LRMDA: variants seen among roughly 807,000 people sequenced by gnomAD.
LRMDA encodes the protein leucine rich melanocyte differentiation associated.
LRMDA carries 18 observed loss-of-function variants against 29.8 expected under a neutral mutation model. That is an observed-to-expected ratio of 0.60 (90% confidence interval 0.42 to 0.90). The LOEUF (loss-of-function observed/expected upper bound fraction) is 0.90, where lower values mean the gene tolerates loss of function less well. Among genes scored for constraint, LRMDA ranks in the 40% least tolerant of loss-of-function variants. LRMDA has a pLI of 0.00. For synonymous variants in LRMDA, 125 were observed against 109.4 expected (o/e 1.14, Z -0.89); for missense variants, 273 against 273.9 (o/e 1.00, Z 0.02).
At chr10:76,535,506 A>G (rs1843281121) in intron 6 of LRMDA, among the ~76,000 whole-genome samples, 2 of 152,210 alleles carry the variant, frequency 1.3e-5, no homozygotes, top group African/African-American at 2.4e-5. Flanking sequence ...AGAGAAGCCC[A>G]TTATACAGAT....
At chr10:75,485,578 G>GTA (rs1256943133) in intron 2 of LRMDA, among the ~76,000 whole-genome samples, 2 of 151,712 alleles carry the variant, frequency 1.3e-5, no homozygotes, top group Non-Finnish European at 2.9e-5. Flanking sequence ...GTGTGTGTGT[G>GTA]TGTATATATA....
chr10:75,793,864 T>C (rs1019781928), intron 2 of LRMDA, among the ~76,000 whole-genome samples: 1 of 152,036 alleles, frequency 6.6e-6, no homozygotes, highest in Non-Finnish European at 1.5e-5. Context: ...AAGCCAGGGG[T>C]CAGCACACTT....
At chr10:76,532,089 C>T (rs961521667) in intron 6 of LRMDA, among the ~76,000 whole-genome samples, 1 of 152,104 alleles carries the variant, frequency 6.6e-6, no homozygotes, top group Non-Finnish European at 1.5e-5. Flanking sequence ...AGGTTTGTTA[C>T]ATAGGTATAC....
At chr10:76,418,518 A>G (rs935584504) in intron 6 of LRMDA, among the ~76,000 whole-genome samples, 1 of 151,978 alleles carries the variant, frequency 6.6e-6, no homozygotes, top group East Asian at 1.9e-4. Context: ...TGCTAAATTC[A>G]CTTATTTATT....
intron 6 of LRMDA, among the ~76,000 whole-genome samples, chr10:76,417,117 C>T (rs1003726275): frequency 1.3e-5 from 2 of 152,160 alleles, no homozygotes; most frequent in East Asian, 3.8e-4. Flanking sequence ...CAGATTGCAT[C>T]AACAATTTGG....
At chr10:75,855,163 G>A (rs10762682) in intron 2 of LRMDA, among the ~76,000 whole-genome samples, 93,591 of 151,834 alleles carry the variant, frequency 0.62, 29,939 homozygotes, top group South Asian at 0.77. Context: ...ACAAGGGTTG[G>A]ACTAGTTTAC....
intron 5 of LRMDA, among the ~76,000 whole-genome samples, chr10:76,297,406 G>A (rs1393219268): frequency 7.9e-5 from 12 of 152,152 alleles, no homozygotes; most frequent in Admixed American, 7.2e-4. Context: ...CCTAGATTCC[G>A]CAACACAAAT....
At chr10:75,650,385 A>C (rs73279002) in intron 2 of LRMDA, among the ~76,000 whole-genome samples, 30,813 of 152,108 alleles carry the variant, frequency 0.2, 7,748 homozygotes, top group African/African-American at 0.59. Flanking sequence ...TGTCTTAGTA[A>C]CCTTGTCAAA....
rs533455488 is a variant in LRMDA at position 76,364,324 on chromosome 10, G to A, written c.601+39839G>A. ...AAGGGACAACTTTAACATGATAATG[G>A]GAATAATATCTTTTGTTTGTTTAGC... On this transcript the variant is annotated intron_variant, in intron 6 of 6. Transcript: ENST00000611255. Among the ~76,000 whole-genome samples, 6 of 152,122 alleles carry A rather than the reference G, an allele frequency of 3.9e-5. No homozygotes were observed. The South Asian group carries it at 1.0e-3, about 26-fold the overall frequency.
At chr10:76,473,988 G>A (rs1842643154) in intron 6 of LRMDA, among the ~76,000 whole-genome samples, 2 of 151,608 alleles carry the variant, frequency 1.3e-5, no homozygotes, top group Admixed American at 6.6e-5. Flanking sequence ...AATCAAGACA[G>A]TGTGGTACTG....
intron 2 of LRMDA, among the ~76,000 whole-genome samples, chr10:76,023,266 T>G (rs1848008062): frequency 6.6e-6 from 1 of 152,184 alleles, no homozygotes; most frequent in African/African-American, 2.4e-5. Flanking sequence ...ACATTTATCT[T>G]TTGCCCTCTG....
intron 2 of LRMDA, among the ~76,000 whole-genome samples, chr10:75,667,588 A>G (rs139724238): frequency 6.6e-6 from 1 of 152,360 alleles, no homozygotes; most frequent in African/African-American, 2.4e-5. Context: ...GGCATCAGCC[A>G]CTGCACCCAG....
intron 2 of LRMDA, among the ~76,000 whole-genome samples, chr10:75,546,216 T>C (rs868454158): frequency 6.6e-6 from 1 of 152,210 alleles, no homozygotes; most frequent in South Asian, 2.1e-4. Context: ...TCAGTGATCT[T>C]ACTGAGCTCT....
At chr10:76,005,953 AAATAAATG>A (rs1249934832) in intron 2 of LRMDA, among the ~76,000 whole-genome samples, 6 of 151,756 alleles carry the variant, frequency 4.0e-5, no homozygotes, top group African/African-American at 1.5e-4. Flanking sequence ...ATAAATAAAT[AAATAAATG>A]AACCAGCTGA....
chr10:75,766,554 T>A (rs1007107130), intron 2 of LRMDA, among the ~76,000 whole-genome samples: 2 of 152,198 alleles, frequency 1.3e-5, no homozygotes, highest in East Asian at 1.9e-4. Context: ...ATTTGCATGC[T>A]GTTCTTTTTT....
rs71024586 is a variant in LRMDA, at chr10:76,084,364, ATTTTTTTTTTTTTTTT to A, written c.516+25597_516+25612del. Among the ~76,000 whole-genome samples the A allele has an allele frequency of 2.3e-4, 16 of 70,928 alleles. No homozygotes were observed. In the South Asian group the frequency reaches 5.9e-3, roughly 26 times the overall value. 46.5% of individuals were successfully genotyped at this position (70,928 alleles called of 152,430 possible). A position where few individuals can be genotyped will look rare whatever the true frequency, so the allele number is the denominator to read the frequency against. ...GGGTATGTGCCACTGCGCCCAGCTA[ATTTTTTTTTTTTTTTT>A]TTTTTTTTTTTTTTTGTAGAGTCAG... is the stretch of plus-strand genomic sequence containing the variant. On this transcript the variant is annotated intron_variant, in intron 5 of 6. Transcript: ENST00000611255.
At chr10:76,552,278 C>T (rs1666894305) in intron 6 of LRMDA, among the ~76,000 whole-genome samples, 1 of 152,166 alleles carries the variant, frequency 6.6e-6, no homozygotes, top group Admixed American at 6.5e-5. Context: ...AGTTATGAGA[C>T]TTGGGCTTAT....
At chr10:76,259,618 T>C (rs918435523) in intron 5 of LRMDA, among the ~76,000 whole-genome samples, 1 of 152,114 alleles carries the variant, frequency 6.6e-6, no homozygotes, top group Non-Finnish European at 1.5e-5. Flanking sequence ...CATTTCTTTG[T>C]TGATTTTCTT....
intron 6 of LRMDA, among the ~76,000 whole-genome samples, chr10:76,347,244 A>G (rs1282422097): frequency 1.3e-5 from 2 of 152,174 alleles, no homozygotes; most frequent in African/African-American, 2.4e-5. Flanking sequence ...AAAACCTTGT[A>G]TCTCTATTTG....
Sources: allele counts gnomAD v4.1 joint callset (sites outside exome capture counted in the v4.1 genomes callset), GRCh38; gene constraint gnomAD v4.1.1; transcripts MANE v1.5; gene names NCBI Gene and HGNC (gene_info 2026-07-23, HGNC 2026-07-21).